The following DENND2C variants were observed in gnomAD, a reference collection of about 807,000 sequenced individuals.
DENND2C encodes the protein DENN domain containing 2C, also known as DENN domain-containing protein 2C.
A neutral mutation model predicts 112.4 loss-of-function variants in DENND2C; 72 were observed. The ratio of observed to expected loss-of-function variants is 0.64; its 90% CI spans 0.53 to 0.78. The LOEUF (loss-of-function observed/expected upper bound fraction) is 0.78. DENND2C is among the 30% of genes least tolerant of loss of function. The probability of loss-of-function intolerance (pLI) is 0.00; values close to 1 mark genes in which losing one functional copy is unlikely to be tolerated. For missense variants in DENND2C, 992 were observed against 1,113.8 expected, an observed-to-expected ratio of 0.89 and a Z score of 1.56; for synonymous variants, 329 against 381.6, an observed-to-expected ratio of 0.86 and a Z score of 1.61.
intron 1 of DENND2C, among the ~76,000 whole-genome samples, chr1:114,669,048 G>A (rs1003718126): frequency 1.3e-5 from 2 of 152,166 alleles, no homozygotes; most frequent in Non-Finnish European, 2.9e-5. Context: ...AACAATGGGG[G>A]TCACTTTGTG....
chr1:114,588,260 G>A (rs1221893976), intron 18 of DENND2C, among the ~76,000 whole-genome samples: 1 of 152,150 alleles, frequency 6.6e-6, no homozygotes, highest in African/African-American at 2.4e-5. Flanking sequence ...AATTTAATCT[G>A]CTTTTCTATT....
chr1:114,641,689 A>G (rs920308028), intron 3 of DENND2C, among the ~76,000 whole-genome samples: 13 of 152,172 alleles, frequency 8.5e-5, no homozygotes, highest in Non-Finnish European at 1.6e-4. Context: ...TCCAGCCTGA[A>G]GAACCATAAG....
At chr1:114,605,261 T>C (rs575454725) in intron 10 of DENND2C, among the ~76,000 whole-genome samples, 3 of 152,318 alleles carry the variant, frequency 2.0e-5, no homozygotes, top group Non-Finnish European at 2.9e-5. Flanking sequence ...TGTTTTTACT[T>C]AGAAATGGTA....
intron 10 of DENND2C, among the ~76,000 whole-genome samples, chr1:114,607,629 C>A (rs929715777): frequency 6.6e-6 from 1 of 152,068 alleles, no homozygotes; most frequent in Non-Finnish European, 1.5e-5. Flanking sequence ...CTAAGAAGAT[C>A]TTTTTCAGTA....
At chr1:114,643,237 CT>C (rs1221251535) in intron 3 of DENND2C, among the ~76,000 whole-genome samples, 2 of 152,156 alleles carry the variant, frequency 1.3e-5, no homozygotes, top group Non-Finnish European at 2.9e-5. Context: ...GATGCTAAGG[CT>C]TGTGTCAGGG....
At chr1:114,623,678 T>C in intron 4 of DENND2C, 35 bp from the exon 5 acceptor site, 1 of 1,432,620 alleles carries the variant, frequency 7.0e-7, no homozygotes, top group Non-Finnish European at 9.4e-7. Flanking sequence ...AGTTATATCT[T>C]TCAAAACTCT....
chr1:114,602,860 G>A lies in DENND2C; in HGVS notation c.1668-666C>T, dbSNP rs376488050. 1.4e-4 allele frequency among the ~76,000 whole-genome samples: 21 copies of A among 152,266 alleles called. No homozygotes were observed. The South Asian group carries it at 4.4e-3, about 32-fold the overall frequency. On this transcript the variant is annotated intron_variant, in intron 11 of 20. Transcript: ENST00000393274. ...ATTATAGACATGAGCCACTGTGCCT[G>A]GCCTTATTTTCCTTTTGTTGAATGC... is the stretch of plus-strand genomic sequence containing the variant.
Position 114,622,956 on chromosome 1 carries a change from A to C in DENND2C, c.1056+31T>G, listed in dbSNP as rs41306211. 6,173 of 1,523,756 alleles carry C rather than the reference A, an allele frequency of 4.1e-3. 22 individuals are homozygous for C. Among genetic ancestry groups the C allele is most frequent in the Non-Finnish European group, 4.8e-3 (5,343 of 1,108,818 alleles). 94.4% of individuals were successfully genotyped at this position (1,523,756 alleles called of 1,614,324 possible). ...TGTAGATACCATGAATAAGATTCTAATGTTTTCTTCAATTCATTATCTGGT... is the reference window on the plus strand; with the variant it reads ...TGTAGATACCATGAATAAGATTCTACTGTTTTCTTCAATTCATTATCTGGT... On this transcript the variant is annotated intron_variant, in intron 6 of 20. Coordinates refer to ENST00000393274, the MANE Select transcript of DENND2C (RefSeq NM_001256404.2).
Position 114,599,309 on chromosome 1 carries a change from A to G in DENND2C, c.2248T>C (p.Ser750Pro), listed in dbSNP as rs1292847644. 6.2e-7 allele frequency: 1 copy of G among 1,613,884 alleles called. No homozygotes were observed. Among genetic ancestry groups the G allele is most frequent in the Non-Finnish European group, 8.5e-7 (1 of 1,179,908 alleles). ...TPFLIGILSCSLPQLQDLPIE... is the reference protein window; with the variant it reads ...TPFLIGILSCPLPQLQDLPIE... ...GGTAGGTCCTGGAGCTGTGGTAAGG[A>G]GCAAGACAGGATTCCAATAAGGAAT... Residue 750 changes from serine (S) to proline (P), a missense_variant, in exon 16 of 21, where the codon TCC becomes CCC. Around this residue, in one of 3 missense-constraint regions of DENND2C, gnomAD observed 516 missense variants for 623.6 expected, o/e 0.83. Transcript: ENST00000393274.
At chr1:114,653,610 A>ATTTTATAACT (rs1657229503) in intron 2 of DENND2C, among the ~76,000 whole-genome samples, 1 of 152,084 alleles carries the variant, frequency 6.6e-6, no homozygotes, top group Non-Finnish European at 1.5e-5. Context: ...TTTACTTTTT[A>ATTTTATAACT]TTTTATAACT....
At position 114,585,441 on chromosome 1, in the gene DENND2C, A is replaced by G; in HGVS notation, c.*159T>C. The G allele has an allele frequency of 1.4e-6, 1 of 697,800 alleles. No homozygotes were observed. The highest frequency in any genetic ancestry group is 2.4e-6 in the Non-Finnish European group (1 of 409,790). 43.2% of individuals were successfully genotyped at this position (697,800 alleles called of 1,614,324 possible). ...CCAACAATTCTCCAGTGATTACTACAGCAGCAACAGGAGAATCCTCCTCTA... is the reference window on the plus strand; with the variant it reads ...CCAACAATTCTCCAGTGATTACTACGGCAGCAACAGGAGAATCCTCCTCTA... On this transcript the variant is annotated 3_prime_UTR_variant, in exon 21 of 21. Coordinates refer to ENST00000393274, the MANE Select transcript of DENND2C (RefSeq NM_001256404.2).
intron 10 of DENND2C, among the ~76,000 whole-genome samples, chr1:114,608,431 C>CTT (rs1395640618): frequency 6.6e-6 from 1 of 152,140 alleles, no homozygotes; most frequent in Non-Finnish European, 1.5e-5. Flanking sequence ...GGTTTTGTAA[C>CTT]TTGTTAAAGA....
chr1:114,646,659 G>A (rs1656997183), intron 2 of DENND2C, among the ~76,000 whole-genome samples: 1 of 152,152 alleles, frequency 6.6e-6, no homozygotes, highest in Non-Finnish European at 1.5e-5. Flanking sequence ...CTGATCCAGA[G>A]AAAGCACCAG....
chr1:114,609,625 C>G (rs950573584), intron 9 of DENND2C, among the ~76,000 whole-genome samples: 2 of 152,088 alleles, frequency 1.3e-5, no homozygotes, highest in Admixed American at 1.3e-4. Context: ...TGGGGTGGTC[C>G]CCACTGAAGG....
At chr1:114,600,685 G>T in intron 14 of DENND2C, 135 bp downstream of exon 14, 1 of 1,221,464 alleles carries the variant, frequency 8.2e-7, no homozygotes, top group Admixed American at 2.9e-5. Flanking sequence ...TTTCTCCAGT[G>T]CTTTATGGAA....
At chr1:114,635,041 A>G (rs186404675) in intron 3 of DENND2C, among the ~76,000 whole-genome samples, 10,078 of 151,052 alleles carry the variant, frequency 0.067, 415 homozygotes, top group Middle Eastern at 0.096. Context: ...AAAAAAAAAA[A>G]AAAGAAAAAA....
In DENND2C at chr1:114,623,500, C is replaced by T. The variant is rs1656243270; in HGVS notation, c.943+7G>A. Reference sequence around the variant, plus strand: ...CTAAATTTAACTGCAAAGTTGTCAACACCTACATATGATATCTTCATAGAT... The same window carrying T: ...CTAAATTTAACTGCAAAGTTGTCAATACCTACATATGATATCTTCATAGAT... On this transcript the variant is annotated splice_region_variant and intron_variant, in intron 5 of 20. Transcript: ENST00000393274. The T allele has an allele frequency of 6.3e-7, 1 of 1,598,374 alleles. No individual in the cohort carries two copies. Among genetic ancestry groups the T allele is most frequent in the African/African-American group, 1.3e-5 (1 of 74,136 alleles).
chr1:114,606,449 G>A (rs77079900), intron 10 of DENND2C, among the ~76,000 whole-genome samples: 5,395 of 152,068 alleles, frequency 0.035, 145 homozygotes, highest in Middle Eastern at 0.065. Context: ...TGTAACTCAG[G>A]GTTATAAACC....
At chr1:114,622,940 CATGA>C (rs1383353930) in intron 6 of DENND2C, 43 bp downstream of exon 6, 1 of 1,437,060 alleles carries the variant, frequency 7.0e-7, no homozygotes, top group Admixed American at 1.9e-5. Flanking sequence ...TTGTAGATAC[CATGA>C]ATAAGATTCT....
Sources: gnomAD v4.1 joint callset for allele counts (sites outside exome capture counted in the v4.1 genomes callset) on GRCh38, gnomAD v4.1.1 for gene constraint, gnomAD v4.1.1 regional missense constraint, MANE v1.5 for transcripts, NCBI Gene and HGNC (gene_info 2026-07-23, HGNC 2026-07-21) for gene names.